Variants in CD81 observed in about 807,000 individuals in gnomAD.
CD81 encodes the protein CD81 molecule, also known as CD81 antigen.
In CD81, 10 loss-of-function variants were observed where a neutral mutation model predicts 30.1. The observed-to-expected ratio is 0.33, with a 90% CI of 0.21 to 0.56. The LOEUF (loss-of-function observed/expected upper bound fraction) is 0.56. Among genes scored for constraint, CD81 ranks in the 20% least tolerant of loss-of-function variants. CD81 has a pLI of 0.89. For missense variants in CD81, 263 were observed against 308.7 expected, an observed-to-expected ratio of 0.85 and a Z score of 1.11; for synonymous variants, 147 against 126.4, an observed-to-expected ratio of 1.16 and a Z score of -1.10.
intron 1 of CD81, among the ~76,000 whole-genome samples, chr11:2,383,564 A>T (rs1849737014): frequency 6.6e-6 from 1 of 151,968 alleles, no homozygotes; most frequent in African/African-American, 2.4e-5. Flanking sequence ...AGGGTGTCTC[A>T]GGCCCCAGCA....
chr11:2,394,693 A>T (rs1564995052), intron 3 of CD81, among the ~76,000 whole-genome samples: 1 of 152,172 alleles, frequency 6.6e-6, no homozygotes, highest in Non-Finnish European at 1.5e-5. Context: ...TGGACTCACC[A>T]GCCTGTGACC....
intron 1 of CD81, among the ~76,000 whole-genome samples, chr11:2,381,097 C>G (rs1306876141): frequency 1.3e-5 from 2 of 152,358 alleles, no homozygotes; most frequent in African/African-American, 4.8e-5. Context: ...CCTGGTTTCA[C>G]CAAGTGGGTG....
intron 5 of CD81, 76 bp downstream of exon 5, chr11:2,395,596 C>A: frequency 8.7e-7 from 1 of 1,155,842 alleles, no homozygotes; most frequent in Non-Finnish European, 1.3e-6. Flanking sequence ...TGGATGAATC[C>A]TGCCTACGCC....
chr11:2,377,408 C>A lies in CD81; in HGVS notation c.-142C>A. ...AGCGCCCCACGCGCCCCCGCGCCCCCGCGCCCCCGCGCCCCTTTCTTCGCG... is the reference window on the plus strand; with the variant it reads ...AGCGCCCCACGCGCCCCCGCGCCCCAGCGCCCCCGCGCCCCTTTCTTCGCG... On this transcript the variant is annotated 5_prime_UTR_variant, in exon 1 of 8. Transcript: ENST00000263645. The surrounding 1 kb of genome is among the most constrained non-coding windows in gnomAD (Gnocchi z 7.7). The A allele has an allele frequency of 6.4e-6, 1 of 157,084 alleles. No individual in the cohort carries two copies. Among genetic ancestry groups the A allele is most frequent in the South Asian group, 1.8e-4 (1 of 5,622 alleles). 9.7% of individuals were successfully genotyped at this position (157,084 alleles called of 1,614,324 possible).
Position 2,396,597 on chromosome 11 carries a change from C to T in CD81, c.562-31C>T. On this transcript the variant is annotated intron_variant, in intron 6 of 7. Transcript: ENST00000263645. Reference sequence around the variant, plus strand: ...GGAAGCCGGGAGCCGAGGCCCGGTCCCTGACCACGCGTGCCTGGCCACCCC... The same window carrying T: ...GGAAGCCGGGAGCCGAGGCCCGGTCTCTGACCACGCGTGCCTGGCCACCCC... The T allele has an allele frequency of 2.5e-6, 4 of 1,586,156 alleles. No homozygotes were observed. In the African/African-American group the frequency reaches 5.4e-5, roughly 21 times the overall value.
At chr11:2,389,283 G>C (rs573497705) in intron 1 of CD81, among the ~76,000 whole-genome samples, 1 of 152,306 alleles carries the variant, frequency 6.6e-6, no homozygotes, top group South Asian at 2.1e-4. Context: ...CAGGACTCAG[G>C]GTCACTGGTC....
At chr11:2,395,347 G>A in intron 4 of CD81, 69 bp from the exon 5 acceptor site, 7 of 1,280,540 alleles carry the variant, frequency 5.5e-6, no homozygotes, top group Non-Finnish European at 7.9e-6. Context: ...GCGTCCGCCT[G>A]GGGCGGGGCG....
At chr11:2,392,837 G>C (rs1045411028) in intron 2 of CD81, 23 of 152,460 alleles carry the variant, frequency 1.5e-4, no homozygotes, top group African/African-American at 5.3e-4. Flanking sequence ...CTGGCAGGGG[G>C]TCTGGCAGCC....
intron 2 of CD81, chr11:2,393,576 C>G (rs1228961921): frequency 3.9e-5 from 16 of 408,356 alleles, no homozygotes; most frequent in Non-Finnish European, 5.4e-5. Flanking sequence ...GCAGGGCCCC[C>G]CCACCCTCTT....
At chr11:2,384,449 TG>T (rs1442811608) in intron 1 of CD81, among the ~76,000 whole-genome samples, 1 of 20,606 alleles carries the variant, frequency 4.9e-5, no homozygotes, top group Non-Finnish European at 8.2e-5. Flanking sequence ...GGGCGTCTTG[TG>T]GGGTAGGGCG....
chr11:2,390,952 T>G (rs1263077541), intron 2 of CD81: 124 of 209,038 alleles, frequency 5.9e-4, no homozygotes, highest in African/African-American at 1.0e-3. Context: ...AGGGGAGGGG[T>G]GGAGAGGGGT....
At chr11:2,391,140 CTG>C (rs1849892170) in intron 2 of CD81, 2 of 207,860 alleles carry the variant, frequency 9.6e-6, no homozygotes, top group South Asian at 8.6e-5. Flanking sequence ...GGCCATCTCA[CTG>C]TGCAGAGAGC....
chr11:2,396,697 G>A lies in CD81; in HGVS notation c.631G>A (p.Val211Met), dbSNP rs139884987. ...KLYLIGIAAI[V>M]VAVIMIFEMI... ...GTACCTCATCGGCATTGCTGCCATC[G>A]TGGTCGCTGTGATCATGGTGAGCGG... The change falls in exon 7 of 8, where the codon GTG (valine) becomes ATG (methionine). Residue 211 changes from valine to methionine, a missense_variant. Coordinates refer to ENST00000263645, the MANE Select transcript of CD81 (RefSeq NM_004356.4). The A allele has an allele frequency of 2.6e-5, 42 of 1,611,582 alleles. No homozygotes were observed. Among genetic ancestry groups the A allele is most frequent in the Non-Finnish European group, 3.5e-5 (41 of 1,179,992 alleles).
Position 2,379,653 on chromosome 11 carries a change from G to A in CD81, c.66+2038G>A, listed in dbSNP as rs181793884. On this transcript the variant is annotated intron_variant, in intron 1 of 7. Coordinates refer to ENST00000263645, the MANE Select transcript of CD81 (RefSeq NM_004356.4). ...AGCCCCCTGGGAGTGTCGCCAGGGC[G>A]GGCCTGGAAGTTTCCCAGGCAGCTG... Among the ~76,000 whole-genome samples, 32 of 152,130 alleles carry A rather than the reference G, an allele frequency of 2.1e-4. No homozygotes were observed. The East Asian group carries it at 5.4e-3, about 26-fold the overall frequency.
chr11:2,395,050 A>G lies in CD81; in HGVS notation c.354+4A>G. The G allele has an allele frequency of 6.3e-7, 1 of 1,597,386 alleles. No individual in the cohort carries two copies. The highest frequency in any genetic ancestry group is 8.6e-7 in the Non-Finnish European group (1 of 1,167,380). ...GGGCTTTGTCAACAAGGACCAGGTGAGCCTGGGTGTGCAGGGACAGGGTGG... is the reference window on the plus strand; with the variant it reads ...GGGCTTTGTCAACAAGGACCAGGTGGGCCTGGGTGTGCAGGGACAGGGTGG... On this transcript the variant is annotated splice_donor_region_variant and intron_variant, in intron 4 of 7. Coordinates refer to ENST00000263645, the MANE Select transcript of CD81 (RefSeq NM_004356.4).
At chr11:2,395,392 C>A in intron 4 of CD81, 24 bp from the exon 5 acceptor site, 1 of 1,569,456 alleles carries the variant, frequency 6.4e-7, no homozygotes, top group Non-Finnish European at 8.8e-7. Context: ...TCCCCCTGTG[C>A]ATGTGACCGC....
rs1477040180 is a variant in CD81, at chr11:2,386,458, T to C, written c.67-3954T>C. On this transcript the variant is annotated intron_variant, in intron 1 of 7. Coordinates refer to ENST00000263645, the MANE Select transcript of CD81 (RefSeq NM_004356.4). ...GGGGCTTGGGGATTTGGTGCTGCCA[T>C]TGCCCTCCCTCGTAGGTGGCCCTAG... 8 of 690,402 alleles carry C rather than the reference T, an allele frequency of 1.2e-5. No homozygotes were observed. The Admixed American group carries it at 1.4e-4, about 12-fold the overall frequency. 42.8% of individuals were successfully genotyped at this position (690,402 alleles called of 1,614,324 possible).
At chr11:2,393,480 G>A (rs927402203) in intron 2 of CD81, 9 of 190,598 alleles carry the variant, frequency 4.7e-5, no homozygotes, top group Non-Finnish European at 9.9e-5. Context: ...AATCCAACTT[G>A]ATCCTCCCCA....
intron 1 of CD81, among the ~76,000 whole-genome samples, chr11:2,387,152 T>G (rs575715958): frequency 9.6e-4 from 146 of 152,246 alleles, no homozygotes; most frequent in African/African-American, 3.2e-3. Flanking sequence ...CAGGGAGGGC[T>G]GGGGGTGGAT....
Sources: allele counts gnomAD v4.1 joint callset (sites outside exome capture counted in the v4.1 genomes callset), GRCh38; gene constraint gnomAD v4.1.1; non-coding constraint Gnocchi (gnomAD v3.1); transcripts MANE v1.5; gene names NCBI Gene and HGNC (gene_info 2026-07-23, HGNC 2026-07-21).